The following ARID1B variants were observed in gnomAD, a reference collection of about 807,000 sequenced individuals.
ARID1B encodes the protein AT-rich interaction domain 1B.
A neutral mutation model predicts 212.3 loss-of-function variants in ARID1B; 30 were observed. The observed-to-expected ratio is 0.14, with a 90% confidence interval of 0.11 to 0.19. ARID1B has a LOEUF of 0.19. Ranked by LOEUF, ARID1B falls within the 10% of genes least tolerant of loss-of-function variation. The pLI is 1.00. For missense variants in ARID1B, 2,891 were observed against 3,204.0 expected (o/e 0.90, Z 2.36); for synonymous variants, 1,402 against 1,301.7 (o/e 1.08, Z -1.66).
At chr6:156,807,181 C>G (rs2127967899) in intron 1 of ARID1B, among the ~76,000 whole-genome samples, 1 of 146,592 alleles carries the variant, frequency 6.8e-6, no homozygotes, top group South Asian at 2.2e-4. Context: ...GTTTGCACAA[C>G]TCTTTATTCT....
chr6:156,862,859 A>G (rs762271646), intron 2 of ARID1B, among the ~76,000 whole-genome samples: 1 of 152,262 alleles, frequency 6.6e-6, no homozygotes, highest in Non-Finnish European at 1.5e-5. Flanking sequence ...ACAGGGAAAT[A>G]GTGAATGACA....
At position 157,200,058 on chromosome 6, in the gene ARID1B, C is replaced by T. The variant is rs565134371; in HGVS notation, c.4480-647C>T. 6.6e-6 allele frequency among the ~76,000 whole-genome samples: 1 copy of T among 152,292 alleles called. No individual in the cohort carries two copies. Among genetic ancestry groups the T allele is most frequent in the African/African-American group, 2.4e-5 (1 of 41,554 alleles). Reference sequence around the variant, plus strand: ...CTCACTGCCTCCCATCAGAGTCCCACCTACCCCGATTAAGCACTGGTCCCG... The same window carrying T: ...CTCACTGCCTCCCATCAGAGTCCCATCTACCCCGATTAAGCACTGGTCCCG... On this transcript the variant is annotated intron_variant, in intron 17 of 19. Coordinates refer to ENST00000636930, the MANE Select transcript of ARID1B (RefSeq NM_001374828.1). The surrounding 1 kb of genome is among the most constrained non-coding windows in gnomAD (Gnocchi z 4.3).
rs1334776212 is a variant in ARID1B, at chr6:156,778,304, G to GCAGCAGCAGCAACAGCAGCAGCAC, written c.641_642insGCAGCACCAGCAGCAGCAACAGCA (p.Gln214_His215insGlnHisGlnGlnGlnGlnGlnGln). 1.3e-6 allele frequency: 2 copies of GCAGCAGCAGCAACAGCAGCAGCAC among 1,544,802 alleles called. No individual in the cohort carries two copies. Reference sequence around the variant, plus strand: ...AGCAGCAGCAGCAACAGCAGCAGCAGCAGCAGCAGCAACAGCAACATCCCA... The same window carrying GCAGCAGCAGCAACAGCAGCAGCAC: ...AGCAGCAGCAGCAACAGCAGCAGCAGCAGCAGCAGCAACAGCAGCAGCACCAGCAGCAGCAACAGCAACATCCCA... On this transcript the variant is annotated inframe_insertion, in exon 1 of 20. Transcript: ENST00000636930.
rs1794713614 is a variant in ARID1B, at chr6:157,210,712, A to G, written c.*2821A>G. On this transcript the variant is annotated 3_prime_UTR_variant, in exon 20 of 20. Transcript: ENST00000636930. ...CCAGACTTTACATGTGTACCAAAAA[A>G]AAAAAAAAGATAAAAAATAAAGGTG... 1 of 232,048 alleles carries G rather than the reference A, an allele frequency of 4.3e-6. No individual in the cohort carries two copies. The highest frequency in any genetic ancestry group is 6.1e-5 in the East Asian group (1 of 16,464). 14.4% of individuals were successfully genotyped at this position (232,048 alleles called of 1,614,324 possible).
intron 4 of ARID1B, among the ~76,000 whole-genome samples, chr6:157,039,715 C>CTTCCTTCCTTCCTTCCTTCTTTCT (rs1781677311): frequency 2.3e-5 from 2 of 88,664 alleles, no homozygotes; most frequent in Admixed American, 2.9e-4. Flanking sequence ...CCTTTCTTTC[C>CTTCCTTCCTTCCTTCCTTCTTTCT]TTCCTTTCTT....
At chr6:157,185,609 A>G (rs1583471922) in intron 13 of ARID1B, 1 of 152,244 alleles carries the variant, frequency 6.6e-6, no homozygotes, top group Admixed American at 6.5e-5. Context: ...TATCTGGGGC[A>G]TCTGGTGCTA....
Position 156,778,421 on chromosome 6 carries a change from C to T in ARID1B, c.741C>T (p.Asp247=), listed in dbSNP as rs754236989. 4.5e-5 allele frequency: 69 copies of T among 1,525,714 alleles called. No individual in the cohort carries two copies. Among genetic ancestry groups the T allele is most frequent in the South Asian group, 1.4e-4 (12 of 82,924 alleles). 94.5% of individuals were successfully genotyped at this position (1,525,714 alleles called of 1,614,324 possible). A position where few individuals can be genotyped will look rare whatever the true frequency, so the allele number is the denominator to read the frequency against. Reference sequence around the variant, plus strand: ...AGCCGCAACATGGAGGCGCCAAGGACAGTGCTGCGGGCGGCCAGGCCGACC... The same window carrying T: ...AGCCGCAACATGGAGGCGCCAAGGATAGTGCTGCGGGCGGCCAGGCCGACC... The part of the protein sequence containing the change: ...MEQPQHGGAK[D]SAAGGQADPP... Residue 247 remains aspartate (D), a synonymous_variant, in exon 1 of 20, where the codon GAC becomes GAT. Transcript: ENST00000636930.
chr6:157,201,583 G>A lies in ARID1B; in HGVS notation c.5263+95G>A, dbSNP rs1053329852. The stretch of plus-strand genomic sequence containing the variant: ...ATGCTGTTCCTGCTCATCTTAAAGG[G>A]ATGAAAAAATTATGACTAGAAGTTA... On this transcript the variant is annotated intron_variant, in intron 18 of 19. Coordinates refer to ENST00000636930, the MANE Select transcript of ARID1B (RefSeq NM_001374828.1). This position sits in a 1 kb window ranked among gnomAD's most constrained non-coding sequence, Gnocchi z 5.2. 23 of 1,363,116 alleles carry A rather than the reference G, an allele frequency of 1.7e-5. 1 individual carries two copies. In the Admixed American group the frequency reaches 6.1e-4, roughly 36 times the overall value. The allele number at this position is 1,363,116 out of a possible 1,614,324, so 84.4% of individuals were successfully genotyped here.
At chr6:156,885,593 G>T (rs1418019684) in intron 2 of ARID1B, among the ~76,000 whole-genome samples, 2 of 152,122 alleles carry the variant, frequency 1.3e-5, no homozygotes, top group East Asian at 1.9e-4. Flanking sequence ...CTTGGTACAT[G>T]TTCCACCTGA....
intron 1 of ARID1B, among the ~76,000 whole-genome samples, chr6:156,802,860 T>A (rs1363635005): frequency 6.6e-6 from 1 of 152,254 alleles, no homozygotes; most frequent in Non-Finnish European, 1.5e-5. Context: ...TGTACATATG[T>A]GTTTATGAGT....
In ARID1B at chr6:156,779,212, C is replaced by G. The variant is rs2114999012; in HGVS notation, c.1532C>G (p.Pro511Arg). The change falls in exon 1 of 20, where the codon CCC (proline) becomes CGC (arginine). Residue 511 changes from proline (P) to arginine (R), a missense_variant. Physicochemically the swap from Pro to Arg is moderately radical, Grantham distance 103. Around this residue, in one of 7 missense-constraint regions of ARID1B, gnomAD observed 1,643 missense variants for 1,544.0 expected, o/e 1.06. Coordinates refer to ENST00000636930, the MANE Select transcript of ARID1B (RefSeq NM_001374828.1). ...AATCAGCTGCTCACCTCGCCCAGCCCCATGATGCGGAGCTACGGCGGCAGC... is the reference window on the plus strand; with the variant it reads ...AATCAGCTGCTCACCTCGCCCAGCCGCATGATGCGGAGCTACGGCGGCAGC... ...TLNQLLTSPS[P>R]MMRSYGGSYP... 7.6e-7 allele frequency: 1 copy of G among 1,310,640 alleles called. No individual in the cohort carries two copies. The highest frequency in any genetic ancestry group is 9.8e-7 in the Non-Finnish European group (1 of 1,021,452). 81.2% of individuals were successfully genotyped at this position (1,310,640 alleles called of 1,614,324 possible). A position where few individuals can be genotyped will look rare whatever the true frequency, so the allele number is the denominator to read the frequency against.
chr6:157,154,943 A>AT (rs1790481912), intron 8 of ARID1B, among the ~76,000 whole-genome samples: 1 of 151,220 alleles, frequency 6.6e-6, no homozygotes, highest in Non-Finnish European at 1.5e-5. Flanking sequence ...ACACCTCTTC[A>AT]TTTTTGTTCT....
intron 2 of ARID1B, chr6:156,871,649 G>A (rs1554261854): frequency 6.2e-7 from 1 of 1,612,502 alleles, no homozygotes; most frequent in Non-Finnish European, 8.5e-7. Flanking sequence ...AAACATTCTG[G>A]TTGGCAAGTA....
At chr6:156,913,354 C>T (rs1416562258) in intron 3 of ARID1B, among the ~76,000 whole-genome samples, 1 of 151,248 alleles carries the variant, frequency 6.6e-6, no homozygotes, top group Non-Finnish European at 1.5e-5. Context: ...GTAGCTAGAA[C>T]TACAGGCACG....
intron 6 of ARID1B, among the ~76,000 whole-genome samples, chr6:157,121,629 CTTT>C (rs1389687982): frequency 2.7e-5 from 3 of 112,914 alleles, no homozygotes; most frequent in Non-Finnish European, 1.7e-5. Context: ...TCATATATAG[CTTT>C]TTTTTTTTTT....
intron 11 of ARID1B, among the ~76,000 whole-genome samples, chr6:157,178,087 G>T (rs1197566422): frequency 6.6e-6 from 1 of 152,206 alleles, no homozygotes; most frequent in Non-Finnish European, 1.5e-5. Context: ...TGGGGTGGAG[G>T]CGTTGAGTGC....
intron 3 of ARID1B, among the ~76,000 whole-genome samples, chr6:156,905,748 CCTT>C (rs1315457462): frequency 6.6e-6 from 1 of 152,070 alleles, no homozygotes; most frequent in East Asian, 1.9e-4. Flanking sequence ...TCCTCATTAT[CCTT>C]CTTTTTCAGT....
chr6:156,826,183 G>C (rs1449884956), intron 1 of ARID1B, among the ~76,000 whole-genome samples: 1 of 152,190 alleles, frequency 6.6e-6, no homozygotes, highest in Non-Finnish European at 1.5e-5. Flanking sequence ...TGTGGGGCCT[G>C]GGGCAAAGCA....
intron 3 of ARID1B, among the ~76,000 whole-genome samples, chr6:156,922,942 G>A (rs1293628520): frequency 1.3e-5 from 2 of 152,190 alleles, no homozygotes; most frequent in African/African-American, 4.8e-5. Flanking sequence ...TGTGGCTCGT[G>A]TGCCGGAAGT....
Sources: gnomAD v4.1 joint callset for allele counts (sites outside exome capture counted in the v4.1 genomes callset) on GRCh38, gnomAD v4.1.1 for gene constraint, gnomAD v4.1.1 regional missense constraint, Gnocchi (gnomAD v3.1) non-coding constraint, MANE v1.5 for transcripts, NCBI Gene and HGNC (gene_info 2026-07-23, HGNC 2026-07-21) for gene names.